CDK14: variants seen among roughly 807,000 people sequenced by gnomAD.
CDK14 encodes cyclin-dependent kinase 14.
Under a neutral mutation model 60.7 loss-of-function variants are expected in CDK14, and 34 were observed. The observed-to-expected ratio is 0.56, with a 90% CI of 0.43 to 0.75. CDK14 has a LOEUF of 0.75. CDK14 is among the 30% of genes least tolerant of loss of function. The probability of loss-of-function intolerance (pLI) is 0.00; values close to 1 mark genes in which losing one functional copy is unlikely to be tolerated. For synonymous variants in CDK14, 197 were observed against 203.7 expected (o/e 0.97, Z 0.28); for missense variants, 482 against 564.1 (o/e 0.85, Z 1.47).
chr7:90,796,132 G>A (rs1281856214), intron 5 of CDK14, among the ~76,000 whole-genome samples: 5 of 152,100 alleles, frequency 3.3e-5, no homozygotes, highest in African/African-American at 1.2e-4. Context: ...TTAGGAACTG[G>A]CCCTCAGTTG....
chr7:91,057,932 A>G (rs1337441893), intron 11 of CDK14, among the ~76,000 whole-genome samples: 3 of 151,996 alleles, frequency 2.0e-5, no homozygotes, highest in Admixed American at 6.6e-5. Flanking sequence ...GTTTTATCCA[A>G]TTCTGTGAAG....
At chr7:90,915,524 G>C (rs1793053552) in intron 7 of CDK14, among the ~76,000 whole-genome samples, 1 of 152,210 alleles carries the variant, frequency 6.6e-6, no homozygotes, top group Admixed American at 6.5e-5. Context: ...AATAATGCCT[G>C]AGCCCCTCAG....
intron 14 of CDK14, among the ~76,000 whole-genome samples, chr7:91,143,581 C>T (rs769768535): frequency 2.0e-5 from 3 of 151,888 alleles, no homozygotes; most frequent in African/African-American, 7.3e-5. Context: ...ATTAGCCAGG[C>T]GTGGTAGTGC....
chr7:91,075,891 C>T (rs1012593966), intron 11 of CDK14, among the ~76,000 whole-genome samples: 3 of 151,922 alleles, frequency 2.0e-5, no homozygotes, highest in Admixed American at 6.6e-5. Context: ...GAATAAAATA[C>T]CTAGGAATAC....
At chr7:90,809,732 TAAAG>T (rs1213041546) in intron 5 of CDK14, among the ~76,000 whole-genome samples, 1 of 151,512 alleles carries the variant, frequency 6.6e-6, no homozygotes, top group East Asian at 1.9e-4. Context: ...GTAAGACTAA[TAAAG>T]AAGAAAAGAG....
chr7:91,134,925 A>G (rs1800227297), intron 14 of CDK14, among the ~76,000 whole-genome samples: 1 of 152,134 alleles, frequency 6.6e-6, no homozygotes, highest in South Asian at 2.1e-4. Context: ...GTGTATATAC[A>G]AACATATCTT....
chr7:90,636,374 G>T (rs140597493), intron 2 of CDK14, among the ~76,000 whole-genome samples: 2,048 of 152,070 alleles, frequency 0.013, 20 homozygotes, highest in African/African-American at 0.021. Flanking sequence ...AGGCCTTTTC[G>T]GCATCTATTG....
chr7:90,874,582 G>T (rs1791491185), intron 6 of CDK14, among the ~76,000 whole-genome samples: 1 of 128,340 alleles, frequency 7.8e-6, no homozygotes, highest in Admixed American at 9.3e-5. Context: ...ACTGCGGACT[G>T]CAGTGGCGCA....
chr7:91,134,572 C>A (rs1316154490), intron 14 of CDK14, among the ~76,000 whole-genome samples: 1 of 152,068 alleles, frequency 6.6e-6, no homozygotes, highest in African/African-American at 2.4e-5. Context: ...AAGAAAATTT[C>A]TATTAAGAAA....
At chr7:91,076,692 GA>G (rs1798329419) in intron 11 of CDK14, among the ~76,000 whole-genome samples, 1 of 151,842 alleles carries the variant, frequency 6.6e-6, no homozygotes, top group African/African-American at 2.4e-5. Context: ...GCAAAAGAAT[GA>G]ATAGAGTGAA....
chr7:90,605,313 T>C (rs1231757658), intron 2 of CDK14, among the ~76,000 whole-genome samples: 1 of 152,198 alleles, frequency 6.6e-6, no homozygotes. Flanking sequence ...CTGCTGCACC[T>C]GTTCTCTTTT....
intron 2 of CDK14, among the ~76,000 whole-genome samples, chr7:90,604,680 G>T (rs1161089069): frequency 6.6e-6 from 1 of 152,156 alleles, no homozygotes; most frequent in Non-Finnish European, 1.5e-5. Flanking sequence ...TCTCCCAAGG[G>T]AGGAGCTGAC....
chr7:91,076,515 A>G (rs545565634), intron 11 of CDK14, among the ~76,000 whole-genome samples: 3 of 152,290 alleles, frequency 2.0e-5, no homozygotes, highest in East Asian at 3.9e-4. Context: ...TGAATTAAAG[A>G]CCTAAATATA....
chr7:90,805,457 C>T (rs987279938), intron 5 of CDK14, among the ~76,000 whole-genome samples: 1 of 151,066 alleles, frequency 6.6e-6, no homozygotes, highest in Admixed American at 6.6e-5. Flanking sequence ...CACACACAGC[C>T]ATATTTGTGT....
chr7:90,865,019 T>C (rs1465082591), intron 6 of CDK14, among the ~76,000 whole-genome samples: 1 of 152,174 alleles, frequency 6.6e-6, no homozygotes, highest in Non-Finnish European at 1.5e-5. Context: ...TGGCTTATGA[T>C]TGCCCTGCCT....
chr7:91,044,023 G>A (rs1797164719), intron 10 of CDK14, among the ~76,000 whole-genome samples: 1 of 152,134 alleles, frequency 6.6e-6, no homozygotes, highest in Non-Finnish European at 1.5e-5. Flanking sequence ...TTCCTCTGTT[G>A]ACAAAGAGTC....
chr7:91,137,867 G>A (rs979729998), intron 14 of CDK14, among the ~76,000 whole-genome samples: 1 of 152,090 alleles, frequency 6.6e-6, no homozygotes, highest in African/African-American at 2.4e-5. Flanking sequence ...GAAGAAATTT[G>A]TACTGTGCTG....
intron 2 of CDK14, among the ~76,000 whole-genome samples, chr7:90,724,491 T>A (rs1027473454): frequency 6.8e-6 from 1 of 146,184 alleles, no homozygotes; most frequent in Non-Finnish European, 1.5e-5. Flanking sequence ...TATTTATTTA[T>A]TTTTTTTTTA....
intron 5 of CDK14, among the ~76,000 whole-genome samples, chr7:90,797,497 G>T (rs1247137030): frequency 6.6e-6 from 1 of 151,910 alleles, no homozygotes; most frequent in Non-Finnish European, 1.5e-5. Flanking sequence ...TGAATTTTTT[G>T]GGGGGACACA....
Sources: allele counts gnomAD v4.1 joint callset (sites outside exome capture counted in the v4.1 genomes callset), GRCh38; gene constraint gnomAD v4.1.1; transcripts MANE v1.5; gene names NCBI Gene and HGNC (gene_info 2026-07-23, HGNC 2026-07-21).